CHPF2: variants seen among roughly 807,000 people sequenced by gnomAD.
The protein encoded by CHPF2 is chondroitin polymerizing factor 2, non-catalytic subunit.
In CHPF2, 58 loss-of-function variants were observed where a neutral mutation model predicts 63.0. That is an observed-to-expected ratio of 0.92 (90% CI 0.75 to 1.15). The LOEUF (loss-of-function observed/expected upper bound fraction) is 1.15, where lower values mean the gene tolerates loss of function less well. Ranked by LOEUF, CHPF2 falls within the 50% of genes most tolerant of loss-of-function variation. The pLI, the probability that CHPF2 is intolerant of heterozygous loss-of-function variation, is 0.00. For missense variants in CHPF2, 1,045 were observed against 1,035.4 expected (o/e 1.01, Z -0.13); for synonymous variants, 442 against 438.0 (o/e 1.01, Z -0.11).
At chr7:151,236,712 G>T in intron 3 of CHPF2, 122 bp downstream of exon 3, 1 of 931,230 alleles carries the variant, frequency 1.1e-6, no homozygotes, top group Non-Finnish European at 1.6e-6. Context: ...CCTGTATAAT[G>T]GCAGGGCAGG....
At position 151,236,421 on chromosome 7, in the gene CHPF2, G is replaced by A. The variant is rs906246258; in HGVS notation, c.842G>A (p.Arg281His). 13 of 1,583,288 alleles carry A rather than the reference G, an allele frequency of 8.2e-6. No individual in the cohort carries two copies. Among genetic ancestry groups the A allele is most frequent in the African/African-American group, 8.1e-5 (6 of 73,998 alleles). The stretch of plus-strand genomic sequence containing the variant: ...TTGTCCCTCTAGGGGCAGCAGTATC[G>A]CTCATTTGAACTGGCCAAAAATAGG... ...CVSQHQGQQY[R>H]SFELAKNRDP... is the part of the protein sequence containing the mutation. Residue 281 changes from arginine (R) to histidine (H), a missense_variant, in exon 3 of 4, where the codon CGC becomes CAC. Coordinates refer to ENST00000035307, the MANE Select transcript of CHPF2 (RefSeq NM_019015.3).
At position 151,238,664 on chromosome 7, in the gene CHPF2, C is replaced by T. The variant is rs1802786323; in HGVS notation, c.2302C>T (p.Gln768Ter). Reference protein sequence around the residue: ...QLAMALFEQEQANST With the variant: ...QLAMALFEQE ...GGCTATGGCTCTCTTTGAGCAGGAG[C>T]AGGCCAATAGCACTTAGCCCGCCTG... is the stretch of plus-strand genomic sequence containing the variant. Residue 768 changes from glutamine to a stop codon, truncating the protein, a stop_gained, in exon 4 of 4, where the codon CAG becomes TAG. Transcript: ENST00000035307. LOFTEE classifies it high-confidence loss of function. The T allele has an allele frequency of 6.2e-7, 1 of 1,609,868 alleles. No homozygotes were observed. The highest frequency in any genetic ancestry group is 1.3e-5 in the African/African-American group (1 of 74,890).
rs771729748 is a variant in CHPF2 at position 151,237,949 on chromosome 7, C to T, written c.1587C>T (p.Tyr529=). ...CATTGCTCACCCTGTTGCTGGTCTA[C>T]GGGCCACGAGAAGGTGGCCGTGGAG... The part of the protein sequence containing the change: ...EHALLTLLLV[Y]GPREGGRGAP... The change falls in exon 4 of 4, where the codon TAC becomes TAT. Residue 529 remains tyrosine (Y), a synonymous_variant. Transcript: ENST00000035307. The T allele has an allele frequency of 3.8e-5, 61 of 1,612,974 alleles. No homozygotes were observed. The highest frequency in any genetic ancestry group is 6.6e-5 in the South Asian group (6 of 91,096).
At position 151,237,950 on chromosome 7, in the gene CHPF2, G is replaced by C. The variant is rs777022105; in HGVS notation, c.1588G>C (p.Gly530Arg). The C allele has an allele frequency of 6.2e-7, 1 of 1,613,128 alleles. No individual in the cohort carries two copies. The stretch of plus-strand genomic sequence containing the variant: ...ATTGCTCACCCTGTTGCTGGTCTAC[G>C]GGCCACGAGAAGGTGGCCGTGGAGC... ...HALLTLLLVY[G>R]PREGGRGAPD... The change falls in exon 4 of 4, where the codon GGG becomes CGG. Residue 530 changes from glycine (G) to arginine (R), a missense_variant. Coordinates refer to ENST00000035307, the MANE Select transcript of CHPF2 (RefSeq NM_019015.3).
rs115178275 is a variant in CHPF2 at position 151,236,463 on chromosome 7, G to A, written c.884G>A (p.Gly295Glu). Residue 295 changes from glycine (G) to glutamate (E), a missense_variant, in exon 3 of 4, where the codon GGG becomes GAG. By Grantham distance (98) the Gly-to-Glu change is moderately conservative (BLOSUM62 -2). Transcript: ENST00000035307. The part of the protein sequence containing the change: ...LAKNRDPEKE[G>E]SSAFLSAFAV... ...AAAAATAGGGACCCTGAGAAGGAAG[G>A]GAGCTCGGCTTTCCTGAGTGCCTTC... 6.7e-4 allele frequency: 1,070 copies of A among 1,605,772 alleles called. 5 individuals are homozygous for A. In the African/African-American group the frequency reaches 0.013, roughly 19 times the overall value.
At chr7:151,234,320 T>C in intron 1 of CHPF2, 46 bp downstream of exon 1, 1 of 1,408,364 alleles carries the variant, frequency 7.1e-7, no homozygotes, top group Non-Finnish European at 9.4e-7. Flanking sequence ...GGCCCTGTTT[T>C]GGGCTGGTGT....
chr7:151,234,377 T>C (rs1216868796), intron 1 of CHPF2, 103 bp downstream of exon 1: 38 of 849,030 alleles, frequency 4.5e-5, no homozygotes, highest in Non-Finnish European at 6.4e-5. Flanking sequence ...TCGGGCGACT[T>C]GGAGCAATTC....
chr7:151,238,530 G>A lies in CHPF2; in HGVS notation c.2168G>A (p.Gly723Glu), dbSNP rs775330813. 6.2e-7 allele frequency: 1 copy of A among 1,609,850 alleles called. No homozygotes were observed. The highest frequency in any genetic ancestry group is 1.7e-5 in the Admixed American group (1 of 59,714). ...GLHLFRAVEP[G>E]LVQKFSLRDC... is the part of the protein sequence containing the mutation. ...CACCTCTTTCGGGCCGTAGAGCCAG[G>A]GCTGGTGCAGAAGTTCTCCCTGCGA... Residue 723 changes from glycine to glutamate, a missense_variant, in exon 4 of 4, where the codon GGG becomes GAG. Transcript: ENST00000035307.
Position 151,234,034 on chromosome 7 carries a change from C to A in CHPF2, c.23C>A (p.Ala8Asp). Residue 8 changes from alanine to aspartate, a missense_variant, in exon 1 of 4, where the codon GCT (alanine) becomes GAT (aspartate). Transcript: ENST00000035307. ...ACCATGCGACTGAGCTCCCTGTTGG[C>A]TCTGCTGCGGCCAGCGCTTCCCCTC... The part of the protein sequence containing the change: MRLSSLL[A>D]LLRPALPLIL... 6.5e-7 allele frequency: 1 copy of A among 1,537,790 alleles called. No individual in the cohort carries two copies. Among genetic ancestry groups the A allele is most frequent in the Non-Finnish European group, 8.7e-7 (1 of 1,142,972 alleles).
rs1584852628 is a variant in CHPF2, at chr7:151,233,752, T to G, written c.-260T>G. 3 of 1,203,912 alleles carry G rather than the reference T, an allele frequency of 2.5e-6. No individual in the cohort carries two copies. The highest frequency in any genetic ancestry group is 3.1e-6 in the Non-Finnish European group (3 of 970,300). The allele number at this position is 1,203,912 out of a possible 1,614,324, so 74.6% of individuals were successfully genotyped here. On this transcript the variant is annotated 5_prime_UTR_variant, in exon 1 of 4. It adds an upstream start codon to the 5' untranslated region. Transcript: ENST00000035307. ...TAATCCCAGTGTGAGTGAAATTGATTGTTTCATTTATTACCGTTTTGGCTG... is the reference window on the plus strand; with the variant it reads ...TAATCCCAGTGTGAGTGAAATTGATGGTTTCATTTATTACCGTTTTGGCTG...
intron 1 of CHPF2, 86 bp downstream of exon 1, chr7:151,234,360 A>T (rs140995880): frequency 2.8e-6 from 3 of 1,081,334 alleles, no homozygotes; most frequent in Non-Finnish European, 3.8e-6. Context: ...TCCATTGGCA[A>T]TCGGCGTCGG....
At position 151,232,786 on chromosome 7, in the gene CHPF2, C is replaced by T. The variant is rs374377569; in HGVS notation, c.-1226C>T. 2.9e-4 allele frequency: 431 copies of T among 1,504,252 alleles called. 5 individuals are homozygous for T. The East Asian group carries it at 7.8e-3, about 27-fold the overall frequency. The allele number at this position is 1,504,252 out of a possible 1,614,324, so 93.2% of individuals were successfully genotyped here. A position where few individuals can be genotyped will look rare whatever the true frequency, so the allele number is the denominator to read the frequency against. On this transcript the variant is annotated 5_prime_UTR_variant, in exon 1 of 4. Transcript: ENST00000035307. ...CTCGATGCTGTCTCTGGCGCGGCCT[C>T]CGCTCCCGCCGACTGGCCTGAGAAC...
chr7:151,233,236 C>T lies in CHPF2; in HGVS notation c.-776C>T, dbSNP rs1802524556. Reference sequence around the variant, plus strand: ...AGCAGCTGGGGTTCCGAGGAGAATGCCCTGCAAGATGGCTCCATCGGCCAT... The same window carrying T: ...AGCAGCTGGGGTTCCGAGGAGAATGTCCTGCAAGATGGCTCCATCGGCCAT... On this transcript the variant is annotated 5_prime_UTR_variant, in exon 1 of 4. Coordinates refer to ENST00000035307, the MANE Select transcript of CHPF2 (RefSeq NM_019015.3). The T allele has an allele frequency of 8.0e-6, 8 of 1,001,848 alleles. No individual in the cohort carries two copies. The highest frequency in any genetic ancestry group is 1.7e-5 in the African/African-American group (1 of 57,882). 62.1% of individuals were successfully genotyped at this position (1,001,848 alleles called of 1,614,324 possible). A position where few individuals can be genotyped will look rare whatever the true frequency, so the allele number is the denominator to read the frequency against.
Position 151,235,435 on chromosome 7 carries a change from C to T in CHPF2, c.651C>T (p.Gly217=), listed in dbSNP as rs540749158. 6.2e-6 allele frequency: 10 copies of T among 1,612,158 alleles called. No homozygotes were observed. In the Admixed American group the frequency reaches 1.3e-4, roughly 21 times the overall value. Residue 217 remains glycine (G), a synonymous_variant, in exon 2 of 4, where the codon GGC becomes GGT. Transcript: ENST00000035307. ...LGRAEEFIGA[G]EQARYCHGGF... ...GGGCAGAGGAGTTCATTGGCGCAGG[C>T]GAGCAGGCCCGGTACTGTCATGGGG... is the stretch of plus-strand genomic sequence containing the variant.
intron 1 of CHPF2, 49 bp downstream of exon 1, chr7:151,234,323 G>A: frequency 7.1e-7 from 1 of 1,409,316 alleles, no homozygotes; most frequent in Non-Finnish European, 9.4e-7. Flanking sequence ...CCTGTTTTGG[G>A]CTGGTGTAAA....
chr7:151,233,389 C>G lies in CHPF2; in HGVS notation c.-623C>G. On this transcript the variant is annotated 5_prime_UTR_variant, in exon 1 of 4. Transcript: ENST00000035307. ...GGAGGAGGGGTTCCTGTAGCCGTTG[C>G]GTCTTCTCAAACACGGGGAGCAGAG... The G allele has an allele frequency of 2.0e-6, 2 of 985,752 alleles. No individual in the cohort carries two copies. The highest frequency in any genetic ancestry group is 2.4e-6 in the Non-Finnish European group (2 of 830,168). 61.1% of individuals were successfully genotyped at this position (985,752 alleles called of 1,614,324 possible). A position where few individuals can be genotyped will look rare whatever the true frequency, so the allele number is the denominator to read the frequency against.
intron 2 of CHPF2, 61 bp from the exon 3 acceptor site, chr7:151,236,347 A>C: frequency 7.0e-7 from 1 of 1,432,174 alleles, no homozygotes; most frequent in Non-Finnish European, 9.5e-7. Flanking sequence ...AGTATGGTTA[A>C]GGGCGGTTTG....
chr7:151,232,707 C>T lies in CHPF2; in HGVS notation c.-1305C>T. ...GTCCGCCGGCCCCCGGCCCTGAAAC[C>T]CGGGCCTCCTCCCCGAGGGCCTTGG... On this transcript the variant is annotated 5_prime_UTR_variant, in exon 1 of 4. Transcript: ENST00000035307. 6.7e-7 allele frequency: 1 copy of T among 1,486,620 alleles called. No individual in the cohort carries two copies. The highest frequency in any genetic ancestry group is 8.9e-7 in the Non-Finnish European group (1 of 1,119,264). The allele number at this position is 1,486,620 out of a possible 1,614,324, so 92.1% of individuals were successfully genotyped here.
intron 2 of CHPF2, among the ~76,000 whole-genome samples, 174 bp downstream of exon 2, chr7:151,235,786 G>C (rs972878213): frequency 6.6e-6 from 1 of 152,226 alleles, no homozygotes; most frequent in African/African-American, 2.4e-5. Context: ...GCTATCAAAA[G>C]TAGTATCTTG....
Sources: gnomAD v4.1 joint callset for allele counts (sites outside exome capture counted in the v4.1 genomes callset) on GRCh38, gnomAD v4.1.1 for gene constraint, MANE v1.5 for transcripts, NCBI Gene and HGNC (gene_info 2026-07-23, HGNC 2026-07-21) for gene names.